PCDHA4: variants seen among roughly 807,000 people sequenced by gnomAD.
PCDHA4 encodes the protein protocadherin alpha 4.
Under a neutral mutation model 61.4 loss-of-function variants are expected in PCDHA4, and 49 were observed. The observed-to-expected ratio is 0.80, with a 90% CI of 0.63 to 1.01. The LOEUF (loss-of-function observed/expected upper bound fraction) is 1.01. Among genes scored for constraint, PCDHA4 ranks in the 50% least tolerant of loss-of-function variants. The pLI is 0.00. For synonymous variants in PCDHA4, 590 were observed against 550.3 expected (o/e 1.07, Z -1.01); for missense variants, 1,254 against 1,235.8 (o/e 1.01, Z -0.22).
At chr5:140,843,750 A>G (rs2150366095) in intron 1 of PCDHA4, 5 of 1,520,464 alleles carry the variant, frequency 3.3e-6, no homozygotes, top group South Asian at 1.2e-5. Context: ...CATAAATTCT[A>G]TTTGTGGAAA....
intron 1 of PCDHA4, among the ~76,000 whole-genome samples, chr5:140,840,665 CA>C (rs1776810280): frequency 6.6e-6 from 1 of 151,998 alleles, no homozygotes; most frequent in Admixed American, 6.6e-5. Flanking sequence ...TATGCACATA[CA>C]TTTTTATTAC....
chr5:140,869,200 T>C, intron 1 of PCDHA4: 1 of 1,614,000 alleles, frequency 6.2e-7, no homozygotes, highest in East Asian at 2.2e-5. Flanking sequence ...CCAGCTCCAC[T>C]ACTCCGTCTC....
intron 1 of PCDHA4, among the ~76,000 whole-genome samples, chr5:140,892,616 G>C (rs781995267): frequency 6.6e-6 from 1 of 151,910 alleles, no homozygotes; most frequent in Non-Finnish European, 1.5e-5. Flanking sequence ...TTTATTTCCA[G>C]TTGGTACATA....
intron 1 of PCDHA4, chr5:140,870,230 G>A (rs782759965): frequency 9.3e-6 from 15 of 1,614,032 alleles, no homozygotes; most frequent in Non-Finnish European, 1.3e-5. Flanking sequence ...GTGTCTGACC[G>A]TGACTCAGGT....
intron 1 of PCDHA4, among the ~76,000 whole-genome samples, chr5:140,900,299 GAC>G (rs1372785177): frequency 6.6e-6 from 1 of 151,604 alleles, no homozygotes; most frequent in Non-Finnish European, 1.5e-5. Flanking sequence ...TGTTTTTTTA[GAC>G]AGTCTCACTT....
chr5:140,868,974 C>T (rs2050775096), intron 1 of PCDHA4: 4 of 1,471,768 alleles, frequency 2.7e-6, no homozygotes, highest in South Asian at 1.4e-5. Flanking sequence ...GGAACTCCAT[C>T]ATACCGGATG....
At chr5:140,833,462 C>G (rs1291648288) in intron 1 of PCDHA4, among the ~76,000 whole-genome samples, 2 of 152,102 alleles carry the variant, frequency 1.3e-5, no homozygotes, top group Non-Finnish European at 2.9e-5. Context: ...AATAAACTTA[C>G]ATTTTAAAAG....
intron 1 of PCDHA4, among the ~76,000 whole-genome samples, chr5:140,913,389 C>T (rs1427012396): frequency 6.6e-6 from 1 of 152,122 alleles, no homozygotes; most frequent in Admixed American, 6.5e-5. Flanking sequence ...CTCATCATAG[C>T]CACTAATGAT....
At chr5:140,898,062 T>G (rs2066502065) in intron 1 of PCDHA4, among the ~76,000 whole-genome samples, 1 of 152,110 alleles carries the variant, frequency 6.6e-6, no homozygotes, top group African/African-American at 2.4e-5. Flanking sequence ...TAAATTTGTT[T>G]GAGTTCATTG....
At chr5:140,864,401 G>T (rs570935613) in intron 1 of PCDHA4, 2 of 152,328 alleles carry the variant, frequency 1.3e-5, no homozygotes, top group South Asian at 4.1e-4. Context: ...ATGGTGATGA[G>T]CAGGGTTGAG....
chr5:140,995,905 G>C (rs1346539389), intron 3 of PCDHA4, among the ~76,000 whole-genome samples: 1 of 152,186 alleles, frequency 6.6e-6, no homozygotes, highest in Non-Finnish European at 1.5e-5. Flanking sequence ...GTATAAAAGA[G>C]GAGAGACCAT....
At chr5:140,952,962 C>T (rs246032) in intron 1 of PCDHA4, among the ~76,000 whole-genome samples, 1 of 151,598 alleles carries the variant, frequency 6.6e-6, no homozygotes, top group Non-Finnish European at 1.5e-5. Context: ...GGAAGTGATA[C>T]ACACTTTTAA....
At chr5:141,006,238 G>T (rs1298883912) in intron 3 of PCDHA4, among the ~76,000 whole-genome samples, 1 of 151,428 alleles carries the variant, frequency 6.6e-6, no homozygotes, top group East Asian at 1.9e-4. Flanking sequence ...TTTAGATGGA[G>T]TCTTGCTCTG....
At position 140,836,054 on chromosome 5, in the gene PCDHA4, C is replaced by A. The variant is rs2150251582; in HGVS notation, c.2385+26482C>A. 2.2e-5 allele frequency: 36 copies of A among 1,613,478 alleles called. No homozygotes were observed. Among genetic ancestry groups the A allele is most frequent in the Admixed American group, 3.3e-5 (2 of 59,984 alleles). On this transcript the variant is annotated intron_variant, in intron 1 of 3. Transcript: ENST00000530339. The stretch of plus-strand genomic sequence containing the variant: ...TGACGCTGCAGGTGTTCGTGCTGGA[C>A]GAGAACGACAACGCGCCGGCACTGC...
chr5:140,869,945 T>C lies in PCDHA4; in HGVS notation c.2385+60373T>C, dbSNP rs528075021. On this transcript the variant is annotated intron_variant, in intron 1 of 3. Transcript: ENST00000530339. ...GTCAATGGAGAGGTAACATACTCCTTAATGTCAATTAAGCCCAATGGAAGA... is the reference window on the plus strand; with the variant it reads ...GTCAATGGAGAGGTAACATACTCCTCAATGTCAATTAAGCCCAATGGAAGA... 8 of 1,612,376 alleles carry C rather than the reference T, an allele frequency of 5.0e-6. No individual in the cohort carries two copies. The African/African-American group carries it at 8.0e-5, about 16-fold the overall frequency.
At chr5:140,910,037 C>G (rs1290917830) in intron 1 of PCDHA4, among the ~76,000 whole-genome samples, 1 of 152,198 alleles carries the variant, frequency 6.6e-6, no homozygotes, top group Non-Finnish European at 1.5e-5. Context: ...ATAAATCCCA[C>G]TTGGTCATAA....
intron 1 of PCDHA4, among the ~76,000 whole-genome samples, chr5:140,872,173 T>C (rs2053523271): frequency 6.6e-6 from 1 of 152,224 alleles, no homozygotes; most frequent in Non-Finnish European, 1.5e-5. Flanking sequence ...TTCTTTTTTT[T>C]TTTTACAGTG....
chr5:140,975,623 A>G (rs2096675265), intron 1 of PCDHA4, among the ~76,000 whole-genome samples: 1 of 152,244 alleles, frequency 6.6e-6, no homozygotes, highest in Admixed American at 6.5e-5. Flanking sequence ...ATGGATTTCC[A>G]TGGTACGAAG....
At chr5:140,900,956 C>G (rs2068392622) in intron 1 of PCDHA4, among the ~76,000 whole-genome samples, 1 of 152,160 alleles carries the variant, frequency 6.6e-6, no homozygotes, top group African/African-American at 2.4e-5. Flanking sequence ...CTCTGATTAT[C>G]AGTGATGTTG....
Sources: gnomAD v4.1 joint callset for allele counts (sites outside exome capture counted in the v4.1 genomes callset) on GRCh38, gnomAD v4.1.1 for gene constraint, MANE v1.5 for transcripts, NCBI Gene and HGNC (gene_info 2026-07-23, HGNC 2026-07-21) for gene names.